The following SULT1E1 variants were observed in gnomAD, a reference collection of about 807,000 sequenced individuals.
SULT1E1 encodes sulfotransferase 1E1.
In SULT1E1, 36 loss-of-function variants were observed where a neutral mutation model predicts 33.6. That is an observed-to-expected ratio of 1.07 (90% CI 0.82 to 1.41). The LOEUF is 1.41. SULT1E1 is among the 40% of genes most tolerant of loss of function. The probability of loss-of-function intolerance (pLI) is 0.00; values close to 1 mark genes in which losing one functional copy is unlikely to be tolerated. For synonymous variants in SULT1E1, 121 were observed against 111.7 expected (o/e 1.08, Z -0.53); for missense variants, 371 against 345.7 (o/e 1.07, Z -0.58).
At chr4:69,838,764 G>A (rs1428474033), downstream of SULT1E1, among the ~76,000 whole-genome samples, 1 of 152,102 alleles carries the variant, frequency 6.6e-6, no homozygotes, top group African/African-American at 2.4e-5. Flanking sequence ...GCCTGATCAG[G>A]TAATTAGTTA....
the SULT1E1 span, among the ~76,000 whole-genome samples, chr4:69,823,753 G>A: frequency 6.6e-6 from 1 of 152,152 alleles, no homozygotes; most frequent in Non-Finnish European, 1.5e-5. Context: ...GCTAGCTGGA[G>A]AGCCCTTCTC....
downstream of SULT1E1, among the ~76,000 whole-genome samples, chr4:69,839,888 C>A (rs892108679): frequency 3.3e-5 from 5 of 152,178 alleles, no homozygotes; most frequent in African/African-American, 1.2e-4. Context: ...ATAGTTGGTC[C>A]AAATTTTATT....
chr4:69,834,288 T>G, the SULT1E1 span, among the ~76,000 whole-genome samples: 5 of 152,212 alleles, frequency 3.3e-5, no homozygotes, highest in African/African-American at 1.2e-4. Context: ...ACATTCAAAA[T>G]TGAATTCATC....
chr4:69,823,626 CTTTG>C, the SULT1E1 span, among the ~76,000 whole-genome samples: 6 of 152,252 alleles, frequency 3.9e-5, no homozygotes, highest in African/African-American at 9.6e-5. Flanking sequence ...TCTTCCTGTA[CTTTG>C]TTTATTTTCC....
At chr4:69,831,079 G>A in the SULT1E1 span, among the ~76,000 whole-genome samples, 2 of 152,112 alleles carry the variant, frequency 1.3e-5, no homozygotes, top group African/African-American at 2.4e-5. Context: ...GGTGAGGCTG[G>A]GAGCATGTAC....
intron 2 of SULT1E1, among the ~76,000 whole-genome samples, chr4:69,855,899 A>G (rs764785090): frequency 5.6e-4 from 86 of 152,332 alleles, no homozygotes; most frequent in Non-Finnish European, 8.4e-4. Context: ...CAATAGCTAC[A>G]ATAAATTTTG....
At chr4:69,858,871 T>A (rs143649566) in intron 1 of SULT1E1, among the ~76,000 whole-genome samples, 1 of 152,292 alleles carries the variant, frequency 6.6e-6, no homozygotes, top group African/African-American at 2.4e-5. Flanking sequence ...ACTTTCTTGG[T>A]GTTCAGCCAA....
At chr4:69,838,951 C>T (rs1029182076), downstream of SULT1E1, among the ~76,000 whole-genome samples, 5 of 152,154 alleles carry the variant, frequency 3.3e-5, no homozygotes, top group African/African-American at 1.2e-4. Flanking sequence ...TATTTATTTA[C>T]CACATTTAAT....
At chr4:69,832,222 C>T in the SULT1E1 span, among the ~76,000 whole-genome samples, 11 of 152,250 alleles carry the variant, frequency 7.2e-5, no homozygotes, top group Admixed American at 2.0e-4. Context: ...GGAGGGGCGC[C>T]GGAGAAGCAG....
Position 69,844,163 on chromosome 4 carries a change from T to G in SULT1E1, c.770A>C (p.Lys257Thr). 6.2e-7 allele frequency: 1 copy of G among 1,613,972 alleles called. No individual in the cohort carries two copies. Among genetic ancestry groups the G allele is most frequent in the East Asian group, 2.2e-5 (1 of 44,844 alleles). Residue 257 changes from lysine (K) to threonine (T), a missense_variant and splice_region_variant, in exon 7 of 8, where the codon AAG (lysine) becomes ACG (threonine). Coordinates refer to ENST00000226444, the MANE Select transcript of SULT1E1 (RefSeq NM_005420.3). ...MNQKLSPFMR[K>T]GITGDWKNHF... ...GAGGCAAACCACATTTTTCTCACCC[T>G]TTCTCATGAAGGGCGACAATTTCTG...
At chr4:69,833,480 C>A in the SULT1E1 span, among the ~76,000 whole-genome samples, 1,590 of 152,292 alleles carry the variant, frequency 0.01, 28 homozygotes, top group African/African-American at 0.036. Flanking sequence ...AACTTACTGT[C>A]TGGTTCCTTC....
chr4:69,847,181 T>A (rs1248129274), intron 6 of SULT1E1, among the ~76,000 whole-genome samples: 6 of 151,680 alleles, frequency 4.0e-5, no homozygotes, highest in Admixed American at 1.3e-4. Flanking sequence ...ATTTTTCATA[T>A]TTTTTTAGTT....
At chr4:69,840,301 C>T (rs1720859303), downstream of SULT1E1, among the ~76,000 whole-genome samples, 1 of 152,064 alleles carries the variant, frequency 6.6e-6, no homozygotes, top group East Asian at 1.9e-4. Flanking sequence ...GAAAATAAAT[C>T]ATCTGGATTT....
At chr4:69,850,638 A>G (rs750622912) in intron 4 of SULT1E1, among the ~76,000 whole-genome samples, 11 of 152,014 alleles carry the variant, frequency 7.2e-5, no homozygotes, top group East Asian at 1.9e-4. Context: ...CTTTTCATCT[A>G]TTAGCTGAAT....
chr4:69,851,060 T>C (rs149426482), intron 4 of SULT1E1, among the ~76,000 whole-genome samples: 59 of 152,194 alleles, frequency 3.9e-4, no homozygotes, highest in African/African-American at 1.4e-3. Context: ...ACCCCTATTC[T>C]TTTTGTTGCC....
chr4:69,824,569 G>A, the SULT1E1 span, among the ~76,000 whole-genome samples: 2 of 152,130 alleles, frequency 1.3e-5, no homozygotes, highest in African/African-American at 4.8e-5. Flanking sequence ...CTAGTGAGAG[G>A]TGAAGCCAGC....
the SULT1E1 span, among the ~76,000 whole-genome samples, chr4:69,824,264 A>G: frequency 1.1e-4 from 17 of 152,330 alleles, no homozygotes; most frequent in Non-Finnish European, 2.5e-4. Context: ...CAAGTGCCAC[A>G]GAATCTAACT....
chr4:69,846,470 A>T (rs1720979832), intron 6 of SULT1E1, among the ~76,000 whole-genome samples: 2 of 151,334 alleles, frequency 1.3e-5, no homozygotes, highest in Non-Finnish European at 3.0e-5. Flanking sequence ...TCATTATAAT[A>T]TAATATCTAA....
chr4:69,831,897 G>A, the SULT1E1 span, among the ~76,000 whole-genome samples: 2 of 152,122 alleles, frequency 1.3e-5, no homozygotes, highest in African/African-American at 4.8e-5. Flanking sequence ...TACTTCCTGC[G>A]TTAGTCCCTC....
Sources: gnomAD v4.1 joint callset for allele counts (sites outside exome capture counted in the v4.1 genomes callset) on GRCh38, gnomAD v4.1.1 for gene constraint, MANE v1.5 for transcripts, NCBI Gene and HGNC (gene_info 2026-07-23, HGNC 2026-07-21) for gene names.